OSBPL1A: variants seen among roughly 807,000 people sequenced by gnomAD.
OSBPL1A encodes oxysterol-binding protein-related protein 1.
A neutral mutation model predicts 137.1 loss-of-function variants in OSBPL1A; 80 were observed. The ratio of observed to expected loss-of-function variants is 0.58; its 90% CI spans 0.49 to 0.70. OSBPL1A has a LOEUF of 0.70. OSBPL1A is among the 30% of genes least tolerant of loss of function. OSBPL1A has a pLI of 0.00. For synonymous variants in OSBPL1A, 365 were observed against 389.7 expected (o/e 0.94, Z 0.75); for missense variants, 970 against 1,129.4 (o/e 0.86, Z 2.02).
At chr18:24,243,757 T>A (rs2088793271) in intron 15 of OSBPL1A, among the ~76,000 whole-genome samples, 1 of 152,216 alleles carries the variant, frequency 6.6e-6, no homozygotes, top group Non-Finnish European at 1.5e-5. Context: ...TCAATTGATC[T>A]GAGTGTACTT....
chr18:24,288,362 A>G (rs2090108200), intron 14 of OSBPL1A, among the ~76,000 whole-genome samples: 1 of 152,232 alleles, frequency 6.6e-6, no homozygotes, highest in Non-Finnish European at 1.5e-5. Context: ...AGTTTAGATT[A>G]TACCCTAAGG....
At chr18:24,373,563 C>T (rs377534653) in intron 2 of OSBPL1A, among the ~76,000 whole-genome samples, 1 of 152,146 alleles carries the variant, frequency 6.6e-6, no homozygotes, top group South Asian at 2.1e-4. Context: ...ACCCTAAAAA[C>T]ACTAACCTTC....
chr18:24,334,208 T>G, intron 6 of OSBPL1A, 37 bp downstream of exon 6: 1 of 1,547,550 alleles, frequency 6.5e-7, no homozygotes. Flanking sequence ...AAAGAAAGAC[T>G]GCTTTTTGTC....
rs555951267 is a variant in OSBPL1A, at chr18:24,277,878, A to G, written c.1281+2964T>C. Among the ~76,000 whole-genome samples the G allele has an allele frequency of 4.0e-4, 61 of 152,348 alleles. No individual in the cohort carries two copies. In the South Asian group the frequency reaches 0.012, roughly 31 times the overall value. The stretch of plus-strand genomic sequence containing the variant: ...TTCTAAGTGTTTCATGGAGTTGATA[A>G]TTTCATATAATTACTCAGAAGATAC... On this transcript the variant is annotated intron_variant, in intron 15 of 27. Transcript: ENST00000319481.
In OSBPL1A at chr18:24,305,117, T is replaced by A. The variant is rs569237142; in HGVS notation, c.1093-1399A>T. On this transcript the variant is annotated intron_variant, in intron 13 of 27. Transcript: ENST00000319481. ...ATTTAATACTCTGCTTATGTGCAAG[T>A]CAATGATACTGTTTTATCCTTCCTA... Among the ~76,000 whole-genome samples, 29 of 152,326 alleles carry A rather than the reference T, an allele frequency of 1.9e-4. No individual in the cohort carries two copies. In the South Asian group the frequency reaches 5.6e-3, roughly 29 times the overall value.
intron 24 of OSBPL1A, 60 bp from the exon 25 acceptor site, chr18:24,167,505 C>G: frequency 1.5e-6 from 2 of 1,339,738 alleles, no homozygotes; most frequent in Admixed American, 3.4e-5. Context: ...CAGTCAAGCA[C>G]CACATAATGA....
chr18:24,166,640 C>G lies in OSBPL1A; in HGVS notation c.2598G>C (p.Val866=). 1 of 1,613,626 alleles carries G rather than the reference C, an allele frequency of 6.2e-7. No homozygotes were observed. Among genetic ancestry groups the G allele is most frequent in the Non-Finnish European group, 8.5e-7 (1 of 1,179,820 alleles). The change falls in exon 26 of 28, where the codon GTG becomes GTC. Residue 866 remains valine, a synonymous_variant. Coordinates refer to ENST00000319481, the MANE Select transcript of OSBPL1A (RefSeq NM_080597.4). The part of the protein sequence containing the change: ...LNEVDKDMES[V]IPKTDCRLRP... ...GTAACCTGCAGTCTGTCTTGGGAAT[C>G]ACACTCTCCATGTCTTTGTCTACTT...
Position 24,165,001 on chromosome 18 carries a change from T to C in OSBPL1A, c.2750+64A>G, listed in dbSNP as rs528239311. ...CTGGGGTCACAGTGTCTGGCATCCCTGCCTCGTCTGCACACAGCAGCCTGC... is the reference window on the plus strand; with the variant it reads ...CTGGGGTCACAGTGTCTGGCATCCCCGCCTCGTCTGCACACAGCAGCCTGC... On this transcript the variant is annotated intron_variant, in intron 27 of 27. Transcript: ENST00000319481. 3.9e-6 allele frequency: 6 copies of C among 1,530,028 alleles called. No homozygotes were observed. In the African/African-American group the frequency reaches 5.5e-5, roughly 14 times the overall value. 94.8% of individuals were successfully genotyped at this position (1,530,028 alleles called of 1,614,324 possible). A position where few individuals can be genotyped will look rare whatever the true frequency, so the allele number is the denominator to read the frequency against.
At chr18:24,202,157 G>A (rs184233432) in intron 17 of OSBPL1A, among the ~76,000 whole-genome samples, 3 of 152,128 alleles carry the variant, frequency 2.0e-5, no homozygotes, top group Non-Finnish European at 2.9e-5. Context: ...TAAAAGAACC[G>A]TGGAATGGAA....
chr18:24,274,800 T>C (rs2089808240), intron 15 of OSBPL1A, among the ~76,000 whole-genome samples: 1 of 151,716 alleles, frequency 6.6e-6, no homozygotes, highest in Non-Finnish European at 1.5e-5. Flanking sequence ...TCCCAGCTAC[T>C]CAGGAGGGTG....
At chr18:24,331,969 TTC>T (rs1192730143) in intron 7 of OSBPL1A, among the ~76,000 whole-genome samples, 4 of 152,110 alleles carry the variant, frequency 2.6e-5, no homozygotes, top group Non-Finnish European at 5.9e-5. Context: ...ATGCCTGGCC[TTC>T]TTGTTTCATT....
intron 14 of OSBPL1A, among the ~76,000 whole-genome samples, chr18:24,284,362 C>T (rs567037999): frequency 2.6e-5 from 4 of 152,144 alleles, no homozygotes; most frequent in African/African-American, 9.6e-5. Context: ...CCTTATTTGG[C>T]CTGCTGTAAG....
intron 7 of OSBPL1A, among the ~76,000 whole-genome samples, chr18:24,325,884 TA>T (rs1371176064): frequency 6.6e-6 from 1 of 152,250 alleles, no homozygotes; most frequent in Admixed American, 6.5e-5. Context: ...CCAATTTGAT[TA>T]AAAATTTTAA....
intron 16 of OSBPL1A, among the ~76,000 whole-genome samples, chr18:24,230,345 A>G (rs2088231840): frequency 6.6e-6 from 1 of 152,202 alleles, no homozygotes. Flanking sequence ...TGATGGTTGC[A>G]TAGGAAAGTA....
At chr18:24,385,080 A>G (rs981858693) in intron 1 of OSBPL1A, among the ~76,000 whole-genome samples, 27 of 151,126 alleles carry the variant, frequency 1.8e-4, no homozygotes, top group African/African-American at 3.9e-4. Flanking sequence ...TCAGCCTCCC[A>G]AGTAGCTGGG....
At chr18:24,273,744 AT>A (rs1367597234) in intron 15 of OSBPL1A, among the ~76,000 whole-genome samples, 1 of 152,212 alleles carries the variant, frequency 6.6e-6, no homozygotes, top group Non-Finnish European at 1.5e-5. Flanking sequence ...AATATGATAA[AT>A]GCTATGACAG....
rs763386548 is a variant in OSBPL1A, at chr18:24,317,149, C to G, written c.870G>C (p.Thr290=). The change falls in exon 11 of 28, where the codon ACG becomes ACC. Residue 290 remains threonine, a splice_region_variant and synonymous_variant. Transcript: ENST00000319481. ...GCKHLTQAVC[T]VKSTDSCLFF... The stretch of plus-strand genomic sequence containing the variant: ...GCAAATGATCCATGTTTCATCCTAC[C>G]GTGCATACTGCTTGAGTCAGGTGTT... 23 of 1,613,540 alleles carry G rather than the reference C, an allele frequency of 1.4e-5. No homozygotes were observed. The highest frequency in any genetic ancestry group is 6.7e-5 in the African/African-American group (5 of 74,804).
At chr18:24,177,767 G>A (rs527647628) in intron 21 of OSBPL1A, among the ~76,000 whole-genome samples, 40 of 152,262 alleles carry the variant, frequency 2.6e-4, no homozygotes, top group Middle Eastern at 3.4e-3. Context: ...TAACTCCATC[G>A]ATCTTAAAAT....
Position 24,366,914 on chromosome 18 carries a change from C to T in OSBPL1A, c.260G>A (p.Arg87Gln), listed in dbSNP as rs1274442433. Residue 87 changes from arginine to glutamine, a missense_variant, in exon 4 of 28, where the codon CGA becomes CAA. Coordinates refer to ENST00000319481, the MANE Select transcript of OSBPL1A (RefSeq NM_080597.4). ...CACCTTTCGTCCTGTAAAGGCAGCT[C>T]GATGAAGCGGCGTGTCTCCCATGTC... ...LNDMGDTPLH[R>Q]AAFTGRKELV... 4 of 1,611,588 alleles carry T rather than the reference C, an allele frequency of 2.5e-6. No homozygotes were observed. The highest frequency in any genetic ancestry group is 1.7e-4 in the Middle Eastern group (1 of 6,048).
Sources: allele counts gnomAD v4.1 joint callset (sites outside exome capture counted in the v4.1 genomes callset), GRCh38; gene constraint gnomAD v4.1.1; transcripts MANE v1.5; gene names NCBI Gene and HGNC (gene_info 2026-07-23, HGNC 2026-07-21).